Variants in BRD4 observed in about 807,000 individuals in gnomAD.
The protein encoded by BRD4 is bromodomain-containing protein 4.
Under a neutral mutation model 142.1 loss-of-function variants are expected in BRD4, and 16 were observed. The observed-to-expected ratio is 0.11, with a 90% CI of 0.08 to 0.17. The LOEUF is 0.17. Ranked by LOEUF, BRD4 falls within the 10% of genes least tolerant of loss-of-function variation. The pLI, the probability that BRD4 is intolerant of heterozygous loss-of-function variation, is 1.00. For missense variants in BRD4, 1,424 were observed against 1,810.9 expected (o/e 0.79, Z 3.88); for synonymous variants, 833 against 707.5 (o/e 1.18, Z -2.82).
rs569458290 is a variant in BRD4, at chr19:15,293,012, C to T, written c.-34-19879G>A. 5.9e-5 allele frequency among the ~76,000 whole-genome samples: 9 copies of T among 152,080 alleles called. No homozygotes were observed. In the East Asian group the frequency reaches 1.6e-3, roughly 26 times the overall value. ...TGAAAGGGTGCTTCCTGCCAGACCA[C>T]ACCAAGTGCACACCTGGGTGTCTCC... On this transcript the variant is annotated intron_variant, in intron 1 of 19. Transcript: ENST00000679869.
chr19:15,258,654 G>A (rs1292981717), intron 7 of BRD4, among the ~76,000 whole-genome samples: 2 of 151,934 alleles, frequency 1.3e-5, no homozygotes, highest in Non-Finnish European at 2.9e-5. Context: ...TGCCCAGGGT[G>A]GAATGCAATC....
intron 1 of BRD4, among the ~76,000 whole-genome samples, chr19:15,331,364 T>A (rs1220947446): frequency 2.0e-5 from 3 of 152,180 alleles, no homozygotes; most frequent in African/African-American, 7.2e-5. Context: ...GGGGATCATT[T>A]TATTTCGCTG....
At chr19:15,331,590 G>C (rs184914921) in intron 1 of BRD4, among the ~76,000 whole-genome samples, 1 of 152,148 alleles carries the variant, frequency 6.6e-6, no homozygotes, top group Non-Finnish European at 1.5e-5. Flanking sequence ...GCCTCAGACC[G>C]GCGTGCAGCC....
intron 1 of BRD4, among the ~76,000 whole-genome samples, chr19:15,278,356 A>T (rs1473780103): frequency 1.3e-5 from 2 of 151,758 alleles, no homozygotes; most frequent in African/African-American, 4.8e-5. Flanking sequence ...CAATCTGGTG[A>T]AACCCCATCT....
At chr19:15,320,825 G>GT (rs1396411470) in intron 1 of BRD4, among the ~76,000 whole-genome samples, 3 of 152,228 alleles carry the variant, frequency 2.0e-5, no homozygotes, top group Non-Finnish European at 4.4e-5. Context: ...CCCTTTGTGA[G>GT]TAACTCAATT....
intron 1 of BRD4, among the ~76,000 whole-genome samples, chr19:15,281,809 G>T (rs762351654): frequency 6.6e-6 from 1 of 152,156 alleles, no homozygotes; most frequent in African/African-American, 2.4e-5. Flanking sequence ...CCTGAGTTCA[G>T]GAGTTCAAGA....
chr19:15,249,374 C>T, intron 11 of BRD4: 3 of 1,608,212 alleles, frequency 1.9e-6, no homozygotes, highest in Non-Finnish European at 2.5e-6. Flanking sequence ...GAACCGCAGA[C>T]TGAGCCAACC....
intron 1 of BRD4, among the ~76,000 whole-genome samples, chr19:15,324,023 C>T (rs1170028493): frequency 2.0e-5 from 3 of 152,152 alleles, no homozygotes; most frequent in African/African-American, 7.2e-5. Context: ...CGATGTAACT[C>T]CCCTGAGGTC....
chr19:15,281,746 G>A (rs184231007), intron 1 of BRD4, among the ~76,000 whole-genome samples: 2 of 152,298 alleles, frequency 1.3e-5, no homozygotes, highest in African/African-American at 2.4e-5. Context: ...GGCCAGGCAT[G>A]GTGGCTTACG....
chr19:15,262,178 CA>C (rs1227040401), intron 7 of BRD4, among the ~76,000 whole-genome samples: 1 of 152,118 alleles, frequency 6.6e-6, no homozygotes, highest in East Asian at 1.9e-4. Flanking sequence ...GGCAGGCAGG[CA>C]GTGGGGCTCT....
Position 15,255,361 on chromosome 19 carries a change from C to A in BRD4, c.1983G>T (p.Pro661=), listed in dbSNP as rs555646889. ...EIEIDFETLK[P]STLRELERYV... is the part of the protein sequence containing the mutation. ...AGCGCTCCAGCTCACGCAGTGTGGA[C>A]GGCTTCAGGGTCTCAAAGTCGATTT... The change falls in exon 10 of 20, where the codon CCG becomes CCT. Residue 661 remains proline, a synonymous_variant. Transcript: ENST00000679869. The A allele has an allele frequency of 6.2e-7, 1 of 1,614,060 alleles. No individual in the cohort carries two copies. Among genetic ancestry groups the A allele is most frequent in the Admixed American group, 1.7e-5 (1 of 60,006 alleles).
In BRD4 at chr19:15,258,576, G is replaced by A. The variant is rs547901433; in HGVS notation, c.1342-1403C>T. Among the ~76,000 whole-genome samples, 43 of 151,954 alleles carry A rather than the reference G, an allele frequency of 2.8e-4. 1 individual carries two copies. The South Asian group carries it at 7.9e-3, about 28-fold the overall frequency. ...TGGGATGACCAGCGTGAGCCACTGC[G>A]CCTGGCCCAATAACTTTTTTCTTTC... On this transcript the variant is annotated intron_variant, in intron 7 of 19. Coordinates refer to ENST00000679869, the MANE Select transcript of BRD4 (RefSeq NM_001379291.1).
chr19:15,300,356 A>G (rs1469580800), intron 1 of BRD4, among the ~76,000 whole-genome samples: 3 of 152,044 alleles, frequency 2.0e-5, no homozygotes, highest in Non-Finnish European at 4.4e-5. Flanking sequence ...GTTCAAGACC[A>G]GCCTGGCCAA....
At chr19:15,329,064 C>T (rs1253951620) in intron 1 of BRD4, among the ~76,000 whole-genome samples, 1 of 151,666 alleles carries the variant, frequency 6.6e-6, no homozygotes, top group Non-Finnish European at 1.5e-5. Flanking sequence ...TGAGCCACCA[C>T]GCCCGGCGCA....
At chr19:15,260,042 CTT>C (rs1264796533) in intron 7 of BRD4, among the ~76,000 whole-genome samples, 4 of 152,310 alleles carry the variant, frequency 2.6e-5, no homozygotes, top group South Asian at 2.1e-4. Context: ...CTGACAGTCT[CTT>C]GAGACCCAGC....
rs2047224226 is a variant in BRD4, at chr19:15,239,808, G to A, written c.3296C>T (p.Ala1099Val). 1.2e-6 allele frequency: 2 copies of A among 1,613,416 alleles called. No individual in the cohort carries two copies. The highest frequency in any genetic ancestry group is 8.5e-7 in the Non-Finnish European group (1 of 1,179,928). ...VQPKKQELRA[A>V]SVVQPQPLVV... Reference sequence around the variant, plus strand: ...GAGGGGCTGGGGCTGGACCACGGAGGCAGCACGCAGCTCCTGGGATGGCAC... The same window carrying A: ...GAGGGGCTGGGGCTGGACCACGGAGACAGCACGCAGCTCCTGGGATGGCAC... Residue 1099 changes from alanine (A) to valine (V), a missense_variant, in exon 16 of 20, where the codon GCC becomes GTC. Physicochemically the swap from Ala to Val is moderately conservative, Grantham distance 64. Transcript: ENST00000679869. This position sits in a 1 kb window ranked among gnomAD's most constrained non-coding sequence, Gnocchi z 7.4.
At chr19:15,246,182 C>A (rs1217737837) in intron 11 of BRD4, among the ~76,000 whole-genome samples, 1 of 152,164 alleles carries the variant, frequency 6.6e-6, no homozygotes, top group Non-Finnish European at 1.5e-5. Flanking sequence ...AGTATGACAT[C>A]TGATGAGAGA....
intron 1 of BRD4, among the ~76,000 whole-genome samples, chr19:15,294,666 G>T (rs1288117274): frequency 1.6e-4 from 25 of 152,194 alleles, no homozygotes; most frequent in Non-Finnish European, 1.5e-4. Flanking sequence ...CAATCATTGG[G>T]ACTTCTCTGC....
At chr19:15,263,601 G>C (rs930057567) in intron 6 of BRD4, 53 bp from the exon 7 acceptor site, 1 of 1,603,280 alleles carries the variant, frequency 6.2e-7, no homozygotes, top group African/African-American at 1.3e-5. Context: ...TGACCATGGA[G>C]AAGTGGCTGG....
Sources: gnomAD v4.1 joint callset for allele counts (sites outside exome capture counted in the v4.1 genomes callset) on GRCh38, gnomAD v4.1.1 for gene constraint, Gnocchi (gnomAD v3.1) non-coding constraint, MANE v1.5 for transcripts, NCBI Gene and HGNC (gene_info 2026-07-23, HGNC 2026-07-21) for gene names.